WHRN: variants seen among roughly 807,000 people sequenced by gnomAD.
WHRN encodes the protein whirlin.
WHRN carries 41 observed loss-of-function variants against 68.3 expected under a neutral mutation model. The ratio of observed to expected loss-of-function variants is 0.60; its 90% confidence interval spans 0.47 to 0.78. The LOEUF (loss-of-function observed/expected upper bound fraction) is 0.78, where lower values mean the gene tolerates loss of function less well. Among genes scored for constraint, WHRN ranks in the 30% least tolerant of loss-of-function variants. The pLI, the probability that WHRN is intolerant of heterozygous loss-of-function variation, is 0.00. For missense variants in WHRN, 1,243 were observed against 1,244.7 expected (o/e 1.00, Z 0.02); for synonymous variants, 560 against 561.3 (o/e 1.00, Z 0.03).
intron 7 of WHRN, among the ~76,000 whole-genome samples, chr9:114,419,985 C>T (rs900924739): frequency 3.9e-5 from 6 of 152,176 alleles, no homozygotes; most frequent in African/African-American, 1.2e-4. Flanking sequence ...CCCCCTACCC[C>T]GGCCCCTGGT....
At chr9:114,449,885 T>C (rs766440309) in intron 3 of WHRN, among the ~76,000 whole-genome samples, 2 of 152,304 alleles carry the variant, frequency 1.3e-5, no homozygotes, top group Admixed American at 6.5e-5. Context: ...GGATTTTATA[T>C]GCATTAGCTC....
intron 3 of WHRN, among the ~76,000 whole-genome samples, chr9:114,447,195 T>A (rs1263608072): frequency 6.6e-6 from 1 of 152,136 alleles, no homozygotes. Context: ...ACTTCCTCTC[T>A]GCAGCCACAA....
chr9:114,483,928 C>T (rs565623830), intron 1 of WHRN, among the ~76,000 whole-genome samples: 47 of 152,312 alleles, frequency 3.1e-4, no homozygotes, highest in African/African-American at 1.1e-3. Context: ...GGGATAACTC[C>T]AGGCAGGCTG....
chr9:114,497,265 G>T (rs1363826974), intron 1 of WHRN, among the ~76,000 whole-genome samples: 1 of 152,082 alleles, frequency 6.6e-6, no homozygotes, highest in Non-Finnish European at 1.5e-5. Context: ...CTCAGGTGGA[G>T]AGAAAAAAAA....
chr9:114,499,870 A>G (rs932166580), intron 1 of WHRN, among the ~76,000 whole-genome samples: 9 of 152,274 alleles, frequency 5.9e-5, no homozygotes, highest in Non-Finnish European at 1.3e-4. Flanking sequence ...TGGGTTTGTC[A>G]GCAGAGGAGA....
intron 3 of WHRN, among the ~76,000 whole-genome samples, chr9:114,441,960 G>A (rs1838410303): frequency 6.6e-6 from 1 of 152,110 alleles, no homozygotes; most frequent in African/African-American, 2.4e-5. Flanking sequence ...CACTAATAAC[G>A]GGACAAACTA....
At chr9:114,477,486 A>G (rs1432347236) in intron 2 of WHRN, among the ~76,000 whole-genome samples, 1 of 152,154 alleles carries the variant, frequency 6.6e-6, no homozygotes, top group Non-Finnish European at 1.5e-5. Flanking sequence ...GGAGGGCTCC[A>G]TAGGGGACAT....
chr9:114,435,450 C>T (rs986349819), intron 3 of WHRN, among the ~76,000 whole-genome samples: 2 of 152,148 alleles, frequency 1.3e-5, no homozygotes, highest in Non-Finnish European at 2.9e-5. Context: ...CTACAGGCTG[C>T]AGCAGGGAAG....
At chr9:114,463,657 C>T (rs958237830) in intron 3 of WHRN, among the ~76,000 whole-genome samples, 40 of 152,270 alleles carry the variant, frequency 2.6e-4, no homozygotes, top group Admixed American at 1.9e-3. Context: ...CAGGAACTCT[C>T]GGCAACTTTT....
chr9:114,402,767 T>C lies in WHRN; in HGVS notation c.2711A>G (p.Asn904Ser). The C allele has an allele frequency of 1.9e-6, 3 of 1,613,956 alleles. No homozygotes were observed. Among genetic ancestry groups the C allele is most frequent in the Non-Finnish European group, 2.5e-6 (3 of 1,180,032 alleles). ...DYIDFLVTEF[N>S]VML ...AGGCCTTGGCCTCTAGAGCATCACA[T>C]TGAACTCAGTGACCAGAAAGTCAAT... is the stretch of plus-strand genomic sequence containing the variant. Residue 904 changes from asparagine to serine, a missense_variant, in exon 12 of 12, where the codon AAT becomes AGT. Asn to Ser is a conservative substitution (Grantham distance 46). Coordinates refer to ENST00000362057, the MANE Select transcript of WHRN (RefSeq NM_015404.4).
chr9:114,434,887 T>A (rs1456937369), intron 3 of WHRN, among the ~76,000 whole-genome samples: 1 of 152,128 alleles, frequency 6.6e-6, no homozygotes, highest in Admixed American at 6.5e-5. Context: ...CGAACCAATC[T>A]CGCACCTTCC....
At chr9:114,445,983 T>A (rs537222625) in intron 3 of WHRN, among the ~76,000 whole-genome samples, 25 of 152,156 alleles carry the variant, frequency 1.6e-4, no homozygotes, top group Non-Finnish European at 3.1e-4. Flanking sequence ...TACCCATAAG[T>A]TTTTATTTAC....
chr9:114,410,369 G>A (rs1835346539), intron 7 of WHRN, among the ~76,000 whole-genome samples: 1 of 152,220 alleles, frequency 6.6e-6, no homozygotes, highest in South Asian at 2.1e-4. Context: ...GCAAACTGAT[G>A]AATCCATGAA....
rs957934625 is a variant in WHRN, at chr9:114,491,015, A to C, written c.619-12244T>G. Among the ~76,000 whole-genome samples the C allele has an allele frequency of 4.6e-5, 7 of 152,236 alleles. No homozygotes were observed. The South Asian group carries it at 8.3e-4, about 18-fold the overall frequency. ...TCTGTTTATTCTTTTTTTTTCTTTA[A>C]GGAAGAACAAGATTCTCAGAGTCAT... is the stretch of plus-strand genomic sequence containing the variant. On this transcript the variant is annotated intron_variant, in intron 1 of 11. Coordinates refer to ENST00000362057, the MANE Select transcript of WHRN (RefSeq NM_015404.4).
In WHRN at chr9:114,426,304, T is replaced by C. The variant is rs752798548; in HGVS notation, c.1073A>G (p.Asp358Gly). The change falls in exon 4 of 12, where the codon GAC (aspartate) becomes GGC (glycine). Residue 358 changes from aspartate to glycine, a missense_variant. Transcript: ENST00000362057. ...SSRHLILTVK[D>G]VGRLPHARTT... ...GCGGGCATGGGGCAGCCTCCCGACG[T>C]CCTTCACTGTCAGGATGAGGTGCCG... is the stretch of plus-strand genomic sequence containing the variant. 1 of 1,613,804 alleles carries C rather than the reference T, an allele frequency of 6.2e-7. No individual in the cohort carries two copies. Among genetic ancestry groups the C allele is most frequent in the Non-Finnish European group, 8.5e-7 (1 of 1,180,034 alleles).
At chr9:114,420,130 A>T (rs1836150652) in intron 7 of WHRN, among the ~76,000 whole-genome samples, 5 of 152,192 alleles carry the variant, frequency 3.3e-5, no homozygotes, top group Admixed American at 2.6e-4. Context: ...ATATTTAGGG[A>T]ATGGGTGGGT....
In WHRN at chr9:114,402,570, G is replaced by A. The variant is rs578143135; in HGVS notation, c.*184C>T. The A allele has an allele frequency of 5.3e-6, 4 of 756,536 alleles. No individual in the cohort carries two copies. Among genetic ancestry groups the A allele is most frequent in the Admixed American group, 2.1e-5 (1 of 47,108 alleles). The allele number at this position is 756,536 out of a possible 1,614,324, so 46.9% of individuals were successfully genotyped here. A position where few individuals can be genotyped will look rare whatever the true frequency, so the allele number is the denominator to read the frequency against. On this transcript the variant is annotated 3_prime_UTR_variant, in exon 12 of 12. Coordinates refer to ENST00000362057, the MANE Select transcript of WHRN (RefSeq NM_015404.4). ...GCACCAGTTCCTGACCTGACCTTCT[G>A]TCTGCCTTGTCCTGCTCTCTTCCTC...
At chr9:114,406,929 C>T (rs749641096) in intron 8 of WHRN, 37 bp from the exon 9 acceptor site, 15 of 1,550,714 alleles carry the variant, frequency 9.7e-6, no homozygotes, top group African/African-American at 2.7e-5. Flanking sequence ...AGGAGTCAGA[C>T]CCCATCACGC....
intron 3 of WHRN, among the ~76,000 whole-genome samples, chr9:114,442,254 T>G (rs756475318): frequency 6.6e-6 from 1 of 152,242 alleles, no homozygotes; most frequent in Admixed American, 6.5e-5. Flanking sequence ...GAGGACATTA[T>G]TGGGACAAAT....
Sources: gnomAD v4.1 joint callset for allele counts (sites outside exome capture counted in the v4.1 genomes callset) on GRCh38, gnomAD v4.1.1 for gene constraint, MANE v1.5 for transcripts, NCBI Gene and HGNC (gene_info 2026-07-23, HGNC 2026-07-21) for gene names.